PAK1: variants seen among roughly 807,000 people sequenced by gnomAD.
PAK1 encodes p21 (RAC1) activated kinase 1.
Under a neutral mutation model 67.4 loss-of-function variants are expected in PAK1, and 29 were observed. The observed-to-expected ratio is 0.43, with a 90% confidence interval of 0.32 to 0.59. PAK1 has a LOEUF of 0.59. Among genes scored for constraint, PAK1 ranks in the 20% least tolerant of loss-of-function variants. The pLI is 0.07. For synonymous variants in PAK1, 223 were observed against 237.4 expected (o/e 0.94, Z 0.56); for missense variants, 337 against 670.7 (o/e 0.50, Z 5.50).
chr11:77,360,346 C>A (rs548402101), intron 5 of PAK1, among the ~76,000 whole-genome samples: 12 of 152,228 alleles, frequency 7.9e-5, no homozygotes, highest in Non-Finnish European at 5.9e-5. Flanking sequence ...AGTTTAATCA[C>A]CTGAGGAATG....
At position 77,392,328 on chromosome 11, in the gene PAK1, T is replaced by C. The variant is rs376046807; in HGVS notation, c.190+3A>G. ...ATGATGAGAAGAAAATCAAATACTA[T>C]ACTTTTATCTCCAGGTAAAATGGAT... On this transcript the variant is annotated splice_donor_region_variant and intron_variant, in intron 2 of 14. Transcript: ENST00000356341. 241 of 1,563,710 alleles carry C rather than the reference T, an allele frequency of 1.5e-4. No homozygotes were observed. The highest frequency in any genetic ancestry group is 2.0e-4 in the Non-Finnish European group (227 of 1,149,222).
chr11:77,471,013 G>C (rs1009705493), intron 1 of PAK1, among the ~76,000 whole-genome samples: 20 of 152,314 alleles, frequency 1.3e-4, no homozygotes, highest in Admixed American at 1.0e-3. Context: ...AACGGTTCTT[G>C]AGTAAAACCC....
At chr11:77,498,046 T>A in the PAK1 span, among the ~76,000 whole-genome samples, 106 of 152,278 alleles carry the variant, frequency 7.0e-4, no homozygotes, top group African/African-American at 1.9e-3. Flanking sequence ...TTTCATTTTT[T>A]AAAAAATTCT....
intron 1 of PAK1, among the ~76,000 whole-genome samples, chr11:77,453,916 C>T (rs957827069): frequency 2.6e-4 from 39 of 152,024 alleles, no homozygotes; most frequent in African/African-American, 9.2e-4. Context: ...CCCATCTCTA[C>T]AAAAAAATAC....
chr11:77,425,490 T>G (rs1592423623), intron 1 of PAK1, among the ~76,000 whole-genome samples: 1 of 152,170 alleles, frequency 6.6e-6, no homozygotes, highest in African/African-American at 2.4e-5. Flanking sequence ...TACCCTCCTT[T>G]GAGATTTCTC....
the PAK1 span, among the ~76,000 whole-genome samples, chr11:77,519,768 G>T: frequency 6.6e-6 from 1 of 152,226 alleles, no homozygotes; most frequent in South Asian, 2.1e-4. Flanking sequence ...TACTGTTGCA[G>T]AATTTTGCTC....
At chr11:77,496,054 C>A in the PAK1 span, among the ~76,000 whole-genome samples, 1 of 145,260 alleles carries the variant, frequency 6.9e-6, no homozygotes, top group East Asian at 2.0e-4. Flanking sequence ...GAGTCTCACT[C>A]TGTCGCCAGG....
chr11:77,326,949 G>A (rs1180532110), intron 14 of PAK1, among the ~76,000 whole-genome samples: 1 of 152,202 alleles, frequency 6.6e-6, no homozygotes, highest in East Asian at 1.9e-4. Context: ...AGGACCTGAT[G>A]GAGCTGAAAA....
In PAK1 at chr11:77,391,988, G is replaced by A. The variant is rs183967469; in HGVS notation, c.190+343C>T. 8.5e-5 allele frequency among the ~76,000 whole-genome samples: 13 copies of A among 152,104 alleles called. 1 individual carries two copies. The South Asian group carries it at 1.5e-3, about 17-fold the overall frequency. ...AAACATTTCCAATTGAAACTAACTCGGGGGGAAAAAAATTCCAAATAAAGA... is the reference window on the plus strand; with the variant it reads ...AAACATTTCCAATTGAAACTAACTCAGGGGGAAAAAAATTCCAAATAAAGA... On this transcript the variant is annotated intron_variant, in intron 2 of 14. Transcript: ENST00000356341.
intron 5 of PAK1, among the ~76,000 whole-genome samples, chr11:77,367,585 G>C (rs1947776411): frequency 6.6e-6 from 1 of 152,180 alleles, no homozygotes; most frequent in African/African-American, 2.4e-5. Context: ...TAAATTGACT[G>C]AAAGATGAAG....
rs1278213662 is a variant in PAK1, at chr11:77,409,765, C to G, written c.-21-17224G>C. Reference sequence around the variant, plus strand: ...AGATCTCATGATGATACAGAGTAGACTGGTGGTTACCAAAGGCCAGGAAAG... The same window carrying G: ...AGATCTCATGATGATACAGAGTAGAGTGGTGGTTACCAAAGGCCAGGAAAG... On this transcript the variant is annotated intron_variant, in intron 1 of 14. Transcript: ENST00000356341. 2.0e-5 allele frequency among the ~76,000 whole-genome samples: 3 copies of G among 151,992 alleles called. No individual in the cohort carries two copies. The East Asian group carries it at 5.8e-4, about 29-fold the overall frequency.
intron 1 of PAK1, among the ~76,000 whole-genome samples, chr11:77,448,236 A>G (rs1332683082): frequency 1.3e-5 from 2 of 152,200 alleles, no homozygotes; most frequent in African/African-American, 4.8e-5. Context: ...AATATGTCAG[A>G]GACCTGTTGT....
the PAK1 span, among the ~76,000 whole-genome samples, chr11:77,497,578 T>A: frequency 6.6e-6 from 1 of 152,340 alleles, no homozygotes; most frequent in South Asian, 2.1e-4. Context: ...GGGGACAGCA[T>A]TGCTGGGCTC....
At chr11:77,507,687 T>C in the PAK1 span, among the ~76,000 whole-genome samples, 2 of 151,956 alleles carry the variant, frequency 1.3e-5, no homozygotes, top group African/African-American at 4.8e-5. Flanking sequence ...AAACTATTTT[T>C]AATTTTTAAA....
chr11:77,380,473 A>G (rs1416112259), intron 2 of PAK1, among the ~76,000 whole-genome samples: 1 of 152,200 alleles, frequency 6.6e-6, no homozygotes, highest in East Asian at 1.9e-4. Context: ...AGCCTGGGTG[A>G]CAGAGTGAGG....
intron 2 of PAK1, among the ~76,000 whole-genome samples, chr11:77,381,093 A>T (rs923147058): frequency 6.6e-6 from 1 of 151,984 alleles, no homozygotes; most frequent in Non-Finnish European, 1.5e-5. Flanking sequence ...GGAAAAAACA[A>T]AAAGGTCTAG....
Position 77,324,261 on chromosome 11 carries a change from C to T in PAK1, c.1552-901G>A, listed in dbSNP as rs186798555. Among the ~76,000 whole-genome samples the T allele has an allele frequency of 1.8e-3, 273 of 151,246 alleles. 2 individuals are homozygous for T. The highest frequency in any genetic ancestry group is 6.1e-3 in the African/African-American group (249 of 41,082). ...GGTCTCGGCTCACTGCAACCTCCGC[C>T]TCCTGGGTTCAAGCAATTCTCCTGC... On this transcript the variant is annotated intron_variant, in intron 14 of 14. Coordinates refer to ENST00000356341, the MANE Select transcript of PAK1 (RefSeq NM_002576.5).
At chr11:77,328,873 T>G (rs1219855737) in intron 14 of PAK1, among the ~76,000 whole-genome samples, 1 of 151,870 alleles carries the variant, frequency 6.6e-6, no homozygotes, top group Non-Finnish European at 1.5e-5. Flanking sequence ...TCAACAAAAT[T>G]GATAGACCGC....
chr11:77,479,083 T>TGA (rs1565732621), upstream of PAK1, among the ~76,000 whole-genome samples: 1 of 112,582 alleles, frequency 8.9e-6, no homozygotes, highest in Non-Finnish European at 1.6e-5. Flanking sequence ...AGACTCCGTC[T>TGA]CAAAAAAAAA....
Sources: allele counts gnomAD v4.1 joint callset (sites outside exome capture counted in the v4.1 genomes callset), GRCh38; gene constraint gnomAD v4.1.1; transcripts MANE v1.5; gene names NCBI Gene and HGNC (gene_info 2026-07-23, HGNC 2026-07-21).